The following IGSF10 variants were observed in gnomAD, a reference collection of about 807,000 sequenced individuals.
IGSF10 encodes the protein calvaria mechanical force protein 608.
In IGSF10, 126 loss-of-function variants were observed where a neutral mutation model predicts 128.2. That is an observed-to-expected ratio of 0.98 (90% CI 0.85 to 1.14). IGSF10 has a LOEUF of 1.14. Ranked by LOEUF, IGSF10 falls within the 50% of genes most tolerant of loss-of-function variation. The pLI, the probability that IGSF10 is intolerant of heterozygous loss-of-function variation, is 0.00. For synonymous variants in IGSF10, 1,185 were observed against 1,146.2 expected, an observed-to-expected ratio of 1.03 and a Z score of -0.68; for missense variants, 3,295 against 3,149.8, an observed-to-expected ratio of 1.05 and a Z score of -1.10.
At chr3:151,433,964 A>G (rs911033515), downstream of IGSF10, 28 of 152,642 alleles carry the variant, frequency 1.8e-4, no homozygotes, top group African/African-American at 6.8e-4. Context: ...GTATGTGGTA[A>G]TTTGCTCCTA....
the IGSF10 span, among the ~76,000 whole-genome samples, chr3:151,535,929 C>A: frequency 1.2e-4 from 18 of 152,106 alleles, no homozygotes; most frequent in Non-Finnish European, 2.5e-4. Context: ...ATTTGTAATC[C>A]TGTACATGGA....
chr3:151,482,993 T>C, the IGSF10 span, among the ~76,000 whole-genome samples: 1 of 151,970 alleles, frequency 6.6e-6, no homozygotes, highest in Non-Finnish European at 1.5e-5. Context: ...TCTTTTCAGA[T>C]AAGCAAAAAC....
chr3:151,480,120 A>G, the IGSF10 span, among the ~76,000 whole-genome samples: 1,241 of 152,266 alleles, frequency 8.2e-3, 20 homozygotes, highest in African/African-American at 0.028. Context: ...GGCCGACTAG[A>G]AGCTCCTAGA....
the IGSF10 span, among the ~76,000 whole-genome samples, chr3:151,567,467 C>G: frequency 6.6e-6 from 1 of 152,094 alleles, no homozygotes; most frequent in African/African-American, 2.4e-5. Context: ...CCTACTTGAA[C>G]TTTATTTTCT....
the IGSF10 span, chr3:151,476,029 G>C: frequency 1.3e-5 from 2 of 152,140 alleles, no homozygotes; most frequent in East Asian, 3.9e-4. Context: ...TGGTGGAGAA[G>C]ACTACTTACA....
chr3:151,452,831 A>T (rs372611062), intron 5 of IGSF10, among the ~76,000 whole-genome samples: 9 of 152,002 alleles, frequency 5.9e-5, no homozygotes, highest in African/African-American at 2.2e-4. Flanking sequence ...GGGTGGGTGG[A>T]GAAGCAGCCA....
the IGSF10 span, among the ~76,000 whole-genome samples, chr3:151,604,402 T>C: frequency 3.9e-5 from 6 of 152,060 alleles, no homozygotes; most frequent in African/African-American, 1.4e-4. Flanking sequence ...TATTTACATA[T>C]GTAAATCAAC....
chr3:151,554,789 G>A, the IGSF10 span, among the ~76,000 whole-genome samples: 1 of 152,100 alleles, frequency 6.6e-6, no homozygotes, highest in Non-Finnish European at 1.5e-5. Context: ...AATGCCTCTG[G>A]AGTTTCAGTG....
At chr3:151,479,942 C>T in the IGSF10 span, among the ~76,000 whole-genome samples, 1,206 of 148,700 alleles carry the variant, frequency 8.1e-3, 1 homozygote, top group Non-Finnish European at 0.012. Flanking sequence ...AATAATCTAA[C>T]GAAGAAAAAA....
the IGSF10 span, among the ~76,000 whole-genome samples, chr3:151,489,426 G>A: frequency 7.5e-4 from 114 of 152,202 alleles, no homozygotes; most frequent in African/African-American, 2.6e-3. Context: ...ATTCCTCAGG[G>A]ATCTAGAACT....
At chr3:151,520,653 A>G in the IGSF10 span, among the ~76,000 whole-genome samples, 1 of 151,904 alleles carries the variant, frequency 6.6e-6, no homozygotes, top group African/African-American at 2.4e-5. Context: ...CAAAGGAGAA[A>G]TAAGATTTTT....
chr3:151,600,079 A>G, the IGSF10 span, among the ~76,000 whole-genome samples: 2 of 152,170 alleles, frequency 1.3e-5, no homozygotes, highest in Non-Finnish European at 2.9e-5. Context: ...TGAAGTTGTA[A>G]CTTAAGATCA....
chr3:151,441,916 T>C (rs138276774), intron 7 of IGSF10, among the ~76,000 whole-genome samples: 15,646 of 151,864 alleles, frequency 0.1, 1,102 homozygotes, highest in Middle Eastern at 0.18. Context: ...AAAAAATTAG[T>C]CGGATGTGGT....
the IGSF10 span, among the ~76,000 whole-genome samples, chr3:151,537,718 CTT>C: frequency 8.4e-3 from 1,275 of 152,120 alleles, 19 homozygotes; most frequent in African/African-American, 0.03. Flanking sequence ...TTCATGGACT[CTT>C]AAAAAAAATA....
At chr3:151,462,190 C>T (rs1446915791), upstream of IGSF10, among the ~76,000 whole-genome samples, 1 of 152,108 alleles carries the variant, frequency 6.6e-6, no homozygotes, top group Non-Finnish European at 1.5e-5. Flanking sequence ...TTTCCTTCCA[C>T]GTAGTTACAT....
chr3:151,526,102 C>T, the IGSF10 span, among the ~76,000 whole-genome samples: 1 of 152,206 alleles, frequency 6.6e-6, no homozygotes, highest in Non-Finnish European at 1.5e-5. Context: ...TTATCTAGCA[C>T]ATAACCATGA....
Position 151,437,263 on chromosome 3 carries a change from A to T in IGSF10, c.7298T>A (p.Val2433Asp), listed in dbSNP as rs773595291. ...TGTCCCTGGTGCATAGGTAAGAATA[A>T]CTGGCTTCTGGCCAATTTCTAATAT... ...LVILEIGQKPVILTYAPGTVK... is the reference protein window; with the variant it reads ...LVILEIGQKPDILTYAPGTVK... The change falls in exon 8 of 8, where the codon GTT (valine) becomes GAT (aspartate). Residue 2433 changes from valine (V) to aspartate (D), a missense_variant. By Grantham distance (152) the Val-to-Asp change is radical (BLOSUM62 -3). Transcript: ENST00000282466. 6.2e-7 allele frequency: 1 copy of T among 1,614,206 alleles called. No individual in the cohort carries two copies.
At chr3:151,462,648 C>G (rs1367903698), upstream of IGSF10, among the ~76,000 whole-genome samples, 1 of 152,158 alleles carries the variant, frequency 6.6e-6, no homozygotes, top group Non-Finnish European at 1.5e-5. Flanking sequence ...GAACGTTTAA[C>G]CATAAAGTTG....
At chr3:151,573,900 A>G in the IGSF10 span, among the ~76,000 whole-genome samples, 1 of 152,176 alleles carries the variant, frequency 6.6e-6, no homozygotes, top group Non-Finnish European at 1.5e-5. Context: ...TGCTTCCTTC[A>G]GGAGCTCTTG....
Sources: allele counts gnomAD v4.1 joint callset (sites outside exome capture counted in the v4.1 genomes callset), GRCh38; gene constraint gnomAD v4.1.1; transcripts MANE v1.5; gene names NCBI Gene and HGNC (gene_info 2026-07-23, HGNC 2026-07-21).